Variants in C3orf49 observed in about 807,000 individuals in gnomAD.
C3orf49 encodes chromosome 3 open reading frame 49.
In C3orf49, 27 loss-of-function variants were observed where a neutral mutation model predicts 13.3. That is an observed-to-expected ratio of 2.02 (90% CI 1.49 to 2.79). C3orf49 has a LOEUF of 2.79. Ranked by LOEUF, C3orf49 falls within the 30% of genes most tolerant of loss-of-function variation. The pLI is 0.00. For synonymous variants in C3orf49, 87 were observed against 47.6 expected (o/e 1.83, Z -3.40); for missense variants, 242 against 134.2 (o/e 1.80, Z -3.97).
rs145023919 is a variant in C3orf49 at position 63,832,427 on chromosome 3, C to T, written c.849+583C>T. ...TACTCCCAGCACTTTGGGAGGCTAA[C>T]GTGGGTGGATCACGTGAACCCAGGA... is the stretch of plus-strand genomic sequence containing the variant. On this transcript the variant is annotated intron_variant, in intron 5 of 6. Coordinates refer to ENST00000295896, the MANE Select transcript of C3orf49 (RefSeq NM_001355236.2). Among the ~76,000 whole-genome samples the T allele has an allele frequency of 3.8e-3, 579 of 152,140 alleles. 2 individuals carry two copies. Among genetic ancestry groups the T allele is most frequent in the African/African-American group, 7.3e-3 (301 of 41,512 alleles).
the C3orf49 span, among the ~76,000 whole-genome samples, chr3:63,810,899 T>G: frequency 6.6e-6 from 1 of 152,164 alleles, no homozygotes. Flanking sequence ...CAGGCTGGAG[T>G]GCAGTGGTGC....
rs1701528055 is a variant in C3orf49 at position 63,831,209 on chromosome 3, A to C, written c.670A>C (p.Lys224Gln). The change falls in exon 4 of 7, where the codon AAG becomes CAG. Residue 224 changes from lysine (K) to glutamine (Q), a missense_variant. Coordinates refer to ENST00000295896, the MANE Select transcript of C3orf49 (RefSeq NM_001355236.2). ...TCGAAAATCAGATTTGACAGTAGGA[A>C]AGCTTCAAATGCAGGTAGTGGACAA... is the stretch of plus-strand genomic sequence containing the variant. The part of the protein sequence containing the change: ...ILRKSDLTVG[K>Q]LQMQVDDLIE... The C allele has an allele frequency of 1.4e-6, 1 of 702,604 alleles. No individual in the cohort carries two copies. Among genetic ancestry groups the C allele is most frequent in the African/African-American group, 1.7e-5 (1 of 57,208 alleles). The allele number at this position is 702,604 out of a possible 1,614,324, so 43.5% of individuals were successfully genotyped here. A position where few individuals can be genotyped will look rare whatever the true frequency, so the allele number is the denominator to read the frequency against.
chr3:63,794,810 G>A, the C3orf49 span, among the ~76,000 whole-genome samples: 1 of 152,086 alleles, frequency 6.6e-6, no homozygotes, highest in Non-Finnish European at 1.5e-5. Flanking sequence ...CCTGAGGCAG[G>A]AAAATAGGGT....
At position 63,834,314 on chromosome 3, in the gene C3orf49, G is replaced by A; in HGVS notation, c.849+2470G>A. Reference sequence around the variant, plus strand: ...AGCCAATACAATTAAAGCTAAGATGGCTACTAGTTGAATCAAACTTTAAAA... The same window carrying A: ...AGCCAATACAATTAAAGCTAAGATGACTACTAGTTGAATCAAACTTTAAAA... On this transcript the variant is annotated intron_variant, in intron 5 of 6. Transcript: ENST00000295896. 6 of 942,332 alleles carry A rather than the reference G, an allele frequency of 6.4e-6. No individual in the cohort carries two copies. In the South Asian group the frequency reaches 9.8e-5, roughly 15 times the overall value. The allele number at this position is 942,332 out of a possible 1,614,324, so 58.4% of individuals were successfully genotyped here.
At chr3:63,801,135 G>A in the C3orf49 span, among the ~76,000 whole-genome samples, 4 of 152,130 alleles carry the variant, frequency 2.6e-5, no homozygotes, top group Non-Finnish European at 2.9e-5. Context: ...TGTGTACCTG[G>A]CACTTTAAAA....
intron 5 of C3orf49, among the ~76,000 whole-genome samples, chr3:63,841,181 G>A (rs1428425272): frequency 6.6e-6 from 1 of 152,192 alleles, no homozygotes; most frequent in African/African-American, 2.4e-5. Flanking sequence ...TATACAATAT[G>A]TTGCCATATG....
At position 63,819,366 on chromosome 3, in the gene C3orf49, C is replaced by A; in HGVS notation, c.-106C>A. 1.6e-6 allele frequency: 1 copy of A among 629,254 alleles called. No individual in the cohort carries two copies. Among genetic ancestry groups the A allele is most frequent in the Non-Finnish European group, 2.8e-6 (1 of 351,182 alleles). 39.0% of individuals were successfully genotyped at this position (629,254 alleles called of 1,614,324 possible). Reference sequence around the variant, plus strand: ...TCCTACATATTTTATTCCGAATAGCCCACACCTTGACAGTACATTCAGTCA... The same window carrying A: ...TCCTACATATTTTATTCCGAATAGCACACACCTTGACAGTACATTCAGTCA... On this transcript the variant is annotated 5_prime_UTR_variant, in exon 1 of 7. Transcript: ENST00000295896.
At chr3:63,834,195 A>C (rs199867618) in intron 5 of C3orf49, 2 of 1,613,994 alleles carry the variant, frequency 1.2e-6, no homozygotes, top group East Asian at 2.2e-5. Flanking sequence ...AGAGTTTTTC[A>C]TCATCTGTAA....
At chr3:63,812,521 A>G in the C3orf49 span, among the ~76,000 whole-genome samples, 1 of 152,196 alleles carries the variant, frequency 6.6e-6, no homozygotes, top group Non-Finnish European at 1.5e-5. Context: ...GTTGAAATAA[A>G]ATATTTCTTA....
chr3:63,811,575 C>CA, the C3orf49 span, among the ~76,000 whole-genome samples: 2,138 of 133,742 alleles, frequency 0.016, 20 homozygotes, highest in Middle Eastern at 0.042. Context: ...AAAAACAAAA[C>CA]AAAAAAAAAA....
At chr3:63,846,218 C>G (rs756565499) in intron 6 of C3orf49, 4 of 450,406 alleles carry the variant, frequency 8.9e-6, no homozygotes, top group South Asian at 4.7e-5. Context: ...CCTTTCTTCC[C>G]TGAAAAAAGC....
At chr3:63,833,384 C>T (rs2678351) in intron 5 of C3orf49, among the ~76,000 whole-genome samples, 17,915 of 152,128 alleles carry the variant, frequency 0.12, 1,273 homozygotes, top group Non-Finnish European at 0.16. Context: ...AAGGTGTGAG[C>T]CACCATGCCT....
At chr3:63,783,626 G>A in the C3orf49 span, among the ~76,000 whole-genome samples, 2 of 151,696 alleles carry the variant, frequency 1.3e-5, no homozygotes, top group East Asian at 1.9e-4. Context: ...GCTGAGGCAC[G>A]AGAATGGTGT....
At chr3:63,797,952 CT>C in the C3orf49 span, among the ~76,000 whole-genome samples, 1 of 152,106 alleles carries the variant, frequency 6.6e-6, no homozygotes, top group Non-Finnish European at 1.5e-5. Context: ...CATCTTTCAC[CT>C]TTCATCTTTC....
chr3:63,840,495 G>A (rs983972961), intron 5 of C3orf49, among the ~76,000 whole-genome samples: 3 of 152,160 alleles, frequency 2.0e-5, no homozygotes, highest in Non-Finnish European at 4.4e-5. Flanking sequence ...GGAGGCTGAG[G>A]TAGGAGGATC....
At chr3:63,827,308 TTC>T (rs1464117854) in intron 2 of C3orf49, 2 of 233,192 alleles carry the variant, frequency 8.6e-6, no homozygotes, top group Non-Finnish European at 1.7e-5. Context: ...ACTTTTCTAA[TTC>T]CACAATGGTT....
the C3orf49 span, among the ~76,000 whole-genome samples, chr3:63,795,573 C>T: frequency 2.6e-5 from 4 of 152,128 alleles, no homozygotes; most frequent in South Asian, 8.3e-4. Flanking sequence ...CTTGCTGGTC[C>T]TGTTCAATCT....
At chr3:63,802,927 GC>G in the C3orf49 span, among the ~76,000 whole-genome samples, 2 of 151,782 alleles carry the variant, frequency 1.3e-5, no homozygotes, top group African/African-American at 4.8e-5. Flanking sequence ...CACACACTAA[GC>G]AAAACTACTG....
the C3orf49 span, among the ~76,000 whole-genome samples, chr3:63,791,079 A>G: frequency 6.6e-6 from 1 of 152,140 alleles, no homozygotes; most frequent in South Asian, 2.1e-4. Flanking sequence ...TTGTTTTTTC[A>G]ACCTGCAAGA....
Sources: gnomAD v4.1 joint callset for allele counts (sites outside exome capture counted in the v4.1 genomes callset) on GRCh38, gnomAD v4.1.1 for gene constraint, MANE v1.5 for transcripts, NCBI Gene and HGNC (gene_info 2026-07-23, HGNC 2026-07-21) for gene names.